FILIP1L: variants seen among roughly 807,000 people sequenced by gnomAD.
FILIP1L encodes filamin A-interacting protein 1-like.
A neutral mutation model predicts 96.6 loss-of-function variants in FILIP1L; 55 were observed. The observed-to-expected ratio is 0.57, with a 90% CI of 0.46 to 0.71. The LOEUF (loss-of-function observed/expected upper bound fraction) is 0.71, where lower values mean the gene tolerates loss of function less well. Among genes scored for constraint, FILIP1L ranks in the 30% least tolerant of loss-of-function variants. The pLI is 0.00. For synonymous variants in FILIP1L, 467 were observed against 473.9 expected (o/e 0.99, Z 0.19); for missense variants, 1,304 against 1,321.2 (o/e 0.99, Z 0.20).
chr3:99,934,208 A>C (rs1707584000), intron 1 of FILIP1L, among the ~76,000 whole-genome samples: 1 of 152,178 alleles, frequency 6.6e-6, no homozygotes, highest in Non-Finnish European at 1.5e-5. Flanking sequence ...GCCCAGATTC[A>C]AGATTGAGGA....
At chr3:99,863,074 A>T (rs1290266582) in intron 4 of FILIP1L, among the ~76,000 whole-genome samples, 2 of 152,144 alleles carry the variant, frequency 1.3e-5, no homozygotes, top group Admixed American at 6.5e-5. Flanking sequence ...CCTTTTTGGC[A>T]CCAGGGACCA....
intron 1 of FILIP1L, among the ~76,000 whole-genome samples, chr3:100,086,391 AC>A (rs1327411534): frequency 2.0e-5 from 3 of 151,712 alleles, no homozygotes; most frequent in South Asian, 4.2e-4. Flanking sequence ...GAATCAGCTG[AC>A]CCCCTCTAGT....
intron 1 of FILIP1L, among the ~76,000 whole-genome samples, chr3:100,039,316 A>G (rs1046252848): frequency 1.3e-5 from 2 of 152,218 alleles, no homozygotes; most frequent in African/African-American, 2.4e-5. Context: ...TATGAAGTAC[A>G]TAAGAAGTAC....
rs964677661 is a variant in FILIP1L, at chr3:99,983,172, G to A, written c.-10-52142C>T. On this transcript the variant is annotated intron_variant, in intron 1 of 5. Coordinates refer to ENST00000477258, the MANE Select transcript of FILIP1L (RefSeq NM_001387850.1). ...GCCATTTGAAAAAAAATTTCTCAGG[G>A]ATATTGTTATCTAACTTCTTTGAAT... Among the ~76,000 whole-genome samples, 13 of 151,548 alleles carry A rather than the reference G, an allele frequency of 8.6e-5. No individual in the cohort carries two copies. In the South Asian group the frequency reaches 2.1e-3, roughly 24 times the overall value.
chr3:100,053,124 C>G (rs2065401672), intron 1 of FILIP1L, among the ~76,000 whole-genome samples: 1 of 152,164 alleles, frequency 6.6e-6, no homozygotes, highest in Non-Finnish European at 1.5e-5. Context: ...CTATATATTG[C>G]TCCAATTTGG....
rs558128342 is a variant in FILIP1L at position 99,852,525 on chromosome 3, A to C, written c.606-1455T>G. Among the ~76,000 whole-genome samples, 15 of 152,222 alleles carry C rather than the reference A, an allele frequency of 9.9e-5. No individual in the cohort carries two copies. The South Asian group carries it at 3.1e-3, about 32-fold the overall frequency. ...CAGTGGGGCGATCTCGACTCACTGC[A>C]ACCTCTGACTCCCTGGTTCAAGCAA... On this transcript the variant is annotated intron_variant, in intron 4 of 5. Coordinates refer to ENST00000477258, the MANE Select transcript of FILIP1L (RefSeq NM_001387850.1).
chr3:99,851,749 A>C (rs1306005069), intron 4 of FILIP1L, among the ~76,000 whole-genome samples: 1 of 152,232 alleles, frequency 6.6e-6, no homozygotes, highest in African/African-American at 2.4e-5. Flanking sequence ...CATTGCTTAG[A>C]AGTTATGCAC....
In FILIP1L at chr3:99,850,222, G is replaced by A; in HGVS notation, c.1454C>T (p.Thr485Ile). 1 of 1,613,296 alleles carries A rather than the reference G, an allele frequency of 6.2e-7. No homozygotes were observed. Among genetic ancestry groups the A allele is most frequent in the Non-Finnish European group, 8.5e-7 (1 of 1,179,960 alleles). Residue 485 changes from threonine to isoleucine, a missense_variant, in exon 5 of 6, where the codon ACT becomes ATT. Thr to Ile is a moderately conservative substitution (Grantham distance 89). Coordinates refer to ENST00000477258, the MANE Select transcript of FILIP1L (RefSeq NM_001387850.1). ...CAGTTTAGTTAAATCCTCTTTTAGAGTGAATTCTGTCTTTTCTAGCCGACT... is the reference window on the plus strand; with the variant it reads ...CAGTTTAGTTAAATCCTCTTTTAGAATGAATTCTGTCTTTTCTAGCCGACT... ...IESRLEKTEFTLKEDLTKLKT... is the reference protein window; with the variant it reads ...IESRLEKTEFILKEDLTKLKT...
chr3:99,845,678 A>G (rs1943333062), intron 5 of FILIP1L, among the ~76,000 whole-genome samples: 1 of 152,250 alleles, frequency 6.6e-6, no homozygotes, highest in African/African-American at 2.4e-5. Context: ...ATTAAAGGCC[A>G]GAAATCTACA....
intron 4 of FILIP1L, among the ~76,000 whole-genome samples, chr3:99,909,248 C>T (rs921111909): frequency 6.6e-6 from 1 of 152,124 alleles, no homozygotes; most frequent in Non-Finnish European, 1.5e-5. Flanking sequence ...TGATCCAATA[C>T]CAAACAGAAA....
chr3:99,919,006 T>C (rs965050832), intron 4 of FILIP1L, among the ~76,000 whole-genome samples: 1 of 152,220 alleles, frequency 6.6e-6, no homozygotes, highest in African/African-American at 2.4e-5. Context: ...AACAATAGTT[T>C]AGTGTGTATG....
At chr3:99,986,507 G>A (rs746326595) in intron 1 of FILIP1L, among the ~76,000 whole-genome samples, 9 of 152,152 alleles carry the variant, frequency 5.9e-5, no homozygotes, top group Admixed American at 1.3e-4. Flanking sequence ...AGAAATAGAC[G>A]AGAACAGGAG....
intron 1 of FILIP1L, among the ~76,000 whole-genome samples, chr3:100,014,715 A>G (rs1316107189): frequency 2.0e-5 from 3 of 148,542 alleles, no homozygotes; most frequent in Non-Finnish European, 4.4e-5. Flanking sequence ...TGAGTTCCCT[A>G]TATGTTTTGG....
chr3:100,072,835 GAAATAATCCTCTCCTTCCCCCAT>G (rs2065785258), intron 1 of FILIP1L, among the ~76,000 whole-genome samples: 1 of 152,098 alleles, frequency 6.6e-6, no homozygotes, highest in Non-Finnish European at 1.5e-5. Flanking sequence ...TTCAATACAA[GAAATAATCCTCTCCTTCCCCCAT>G]AAACTACCTA....
chr3:99,833,261 C>T, intron 5 of FILIP1L: 2 of 1,610,886 alleles, frequency 1.2e-6, no homozygotes, highest in South Asian at 1.1e-5. Context: ...AGTGGTTCCA[C>T]CTAGGGAGCA....
chr3:99,987,883 A>C (rs944122512), intron 1 of FILIP1L, among the ~76,000 whole-genome samples: 18 of 152,246 alleles, frequency 1.2e-4, no homozygotes, highest in Non-Finnish European at 4.4e-5. Flanking sequence ...ACAATAATGC[A>C]CATAGTTCTA....
chr3:99,944,210 C>G (rs1380528464), intron 1 of FILIP1L, among the ~76,000 whole-genome samples: 1 of 152,074 alleles, frequency 6.6e-6, no homozygotes, highest in Non-Finnish European at 1.5e-5. Flanking sequence ...TTATTTTGTG[C>G]CTAACTGAGA....
Position 99,848,384 on chromosome 3 carries a change from C to G in FILIP1L, c.3292G>C (p.Gly1098Arg). The change falls in exon 5 of 6, where the codon GGG becomes CGG. Residue 1098 changes from glycine to arginine, a missense_variant. Coordinates refer to ENST00000477258, the MANE Select transcript of FILIP1L (RefSeq NM_001387850.1). ...TTATTGGTTGTTTTGTTTAGTGCCC[C>G]GTTAATTAAGCCTTGAGTTCGGTTA... ...QDNRTQGLIN[G>R]ALNKTTNKVT... 6.2e-7 allele frequency: 1 copy of G among 1,614,078 alleles called. No homozygotes were observed. Among genetic ancestry groups the G allele is most frequent in the Non-Finnish European group, 8.5e-7 (1 of 1,179,998 alleles).
At chr3:99,905,038 C>T (rs749579727) in intron 4 of FILIP1L, among the ~76,000 whole-genome samples, 4 of 152,232 alleles carry the variant, frequency 2.6e-5, no homozygotes, top group Non-Finnish European at 5.9e-5. Flanking sequence ...TCCTCTGCCA[C>T]TGCTCCATGC....
Sources: allele counts gnomAD v4.1 joint callset (sites outside exome capture counted in the v4.1 genomes callset), GRCh38; gene constraint gnomAD v4.1.1; transcripts MANE v1.5; gene names NCBI Gene and HGNC (gene_info 2026-07-23, HGNC 2026-07-21).